FNDC3A: variants seen among roughly 807,000 people sequenced by gnomAD.
FNDC3A encodes fibronectin type-III domain-containing protein 3A.
In FNDC3A, 32 loss-of-function variants were observed where a neutral mutation model predicts 148.9. That is an observed-to-expected ratio of 0.21 (90% CI 0.16 to 0.29). The LOEUF is 0.29. Among genes scored for constraint, FNDC3A ranks in the 10% least tolerant of loss-of-function variants. The probability of loss-of-function intolerance (pLI) is 1.00; values close to 1 mark genes in which losing one functional copy is unlikely to be tolerated. For missense variants in FNDC3A, 1,191 were observed against 1,452.8 expected (o/e 0.82, Z 2.93); for synonymous variants, 472 against 473.6 (o/e 1.00, Z 0.04).
At position 49,187,444 on chromosome 13, in the gene FNDC3A, T is replaced by C. The variant is rs1011591408; in HGVS notation, c.1825+254T>C. Reference sequence around the variant, plus strand: ...CCAGAGGCTGTACCTCTTAAAATGCTCTTCATATCTGTTAATGGATGAACT... The same window carrying C: ...CCAGAGGCTGTACCTCTTAAAATGCCCTTCATATCTGTTAATGGATGAACT... On this transcript the variant is annotated intron_variant, in intron 16 of 25. Transcript: ENST00000492622. The C allele has an allele frequency of 2.4e-6, 3 of 1,259,024 alleles. No individual in the cohort carries two copies. In the African/African-American group the frequency reaches 4.5e-5, roughly 19 times the overall value. 78.0% of individuals were successfully genotyped at this position (1,259,024 alleles called of 1,614,324 possible). A position where few individuals can be genotyped will look rare whatever the true frequency, so the allele number is the denominator to read the frequency against.
At chr13:49,125,207 A>G (rs1052863086) in intron 4 of FNDC3A, among the ~76,000 whole-genome samples, 27 of 152,192 alleles carry the variant, frequency 1.8e-4, no homozygotes, top group African/African-American at 6.0e-4. Context: ...CTGCAAATCA[A>G]TCTGATCTCA....
Position 49,136,338 on chromosome 13 carries a change from A to C in FNDC3A, c.497A>C (p.His166Pro). Residue 166 changes from histidine (H) to proline (P), a missense_variant, in exon 6 of 26, where the codon CAC (histidine) becomes CCC (proline). Coordinates refer to ENST00000492622, the MANE Select transcript of FNDC3A (RefSeq NM_001079673.2). Reference protein sequence around the residue: ...SSQVYGDVDAHSTHGRSNFRD... With the variant: ...SSQVYGDVDAPSTHGRSNFRD... The stretch of plus-strand genomic sequence containing the variant: ...TGTTTTTATTGCCTCCTAGATGCTC[A>C]CTCTACACATGGAAGGTCCAACTTT... 1 of 1,612,584 alleles carries C rather than the reference A, an allele frequency of 6.2e-7. No individual in the cohort carries two copies. The highest frequency in any genetic ancestry group is 8.5e-7 in the Non-Finnish European group (1 of 1,178,996).
At chr13:49,172,855 A>G (rs566777044) in intron 11 of FNDC3A, among the ~76,000 whole-genome samples, 109 of 152,284 alleles carry the variant, frequency 7.2e-4, no homozygotes, top group Admixed American at 4.1e-3. Flanking sequence ...ACTGGACTTC[A>G]TTGTTTAGTA....
chr13:49,008,927 G>A (rs924343710), intron 2 of FNDC3A, among the ~76,000 whole-genome samples: 18 of 91,102 alleles, frequency 2.0e-4, no homozygotes, highest in Non-Finnish European at 2.7e-4. Context: ...CTTCTCCACA[G>A]TTTCTTCATT....
At chr13:49,090,938 G>C (rs1186770823) in intron 3 of FNDC3A, among the ~76,000 whole-genome samples, 3 of 152,254 alleles carry the variant, frequency 2.0e-5, no homozygotes, top group Non-Finnish European at 4.4e-5. Flanking sequence ...AGGTTGCAGT[G>C]AGCTATGCTT....
chr13:49,159,365 T>G (rs1883939336), intron 8 of FNDC3A, among the ~76,000 whole-genome samples: 1 of 152,212 alleles, frequency 6.6e-6, no homozygotes, highest in Non-Finnish European at 1.5e-5. Context: ...CCTAGGTATT[T>G]TATTCTCTTT....
chr13:49,000,475 C>A (rs773324902), intron 1 of FNDC3A, among the ~76,000 whole-genome samples: 6 of 152,110 alleles, frequency 3.9e-5, no homozygotes, highest in Non-Finnish European at 5.9e-5. Context: ...TGTTTTGATT[C>A]CTGTGGCTTT....
At chr13:48,993,756 A>G (rs1391146176) in intron 1 of FNDC3A, among the ~76,000 whole-genome samples, 1 of 152,228 alleles carries the variant, frequency 6.6e-6, no homozygotes, top group Non-Finnish European at 1.5e-5. Flanking sequence ...TGGCAAGTAT[A>G]TGGGTGTTTG....
intron 2 of FNDC3A, among the ~76,000 whole-genome samples, chr13:49,055,017 A>T (rs1876120598): frequency 6.6e-6 from 1 of 151,632 alleles, no homozygotes. Flanking sequence ...AATATGATTA[A>T]TTTCTAGGTT....
chr13:49,030,196 A>C (rs1053927829), intron 2 of FNDC3A, among the ~76,000 whole-genome samples: 1 of 152,234 alleles, frequency 6.6e-6, no homozygotes, highest in Non-Finnish European at 1.5e-5. Flanking sequence ...CATTATGTAC[A>C]TCAACTAAGT....
chr13:48,995,490 A>T (rs1033715345), intron 1 of FNDC3A, among the ~76,000 whole-genome samples: 4 of 152,122 alleles, frequency 2.6e-5, no homozygotes, highest in Non-Finnish European at 4.4e-5. Context: ...GTCTTTTTTT[A>T]AATTTAATAT....
intron 23 of FNDC3A, among the ~76,000 whole-genome samples, chr13:49,200,863 G>A (rs1215212640): frequency 6.6e-6 from 1 of 151,502 alleles, no homozygotes; most frequent in African/African-American, 2.4e-5. Context: ...GCTGTGGGAT[G>A]GTATCATAAT....
intron 2 of FNDC3A, among the ~76,000 whole-genome samples, chr13:49,030,219 A>G (rs1566202069): frequency 6.6e-6 from 1 of 152,230 alleles, no homozygotes; most frequent in African/African-American, 2.4e-5. Context: ...GGTTTGTAGT[A>G]GGAATGTTGA....
intron 2 of FNDC3A, among the ~76,000 whole-genome samples, chr13:49,007,919 G>A (rs1020187460): frequency 2.0e-5 from 3 of 152,014 alleles, no homozygotes; most frequent in African/African-American, 7.2e-5. Flanking sequence ...AGCTAAACAC[G>A]AGTGGAAGAA....
rs532502736 is a variant in FNDC3A, at chr13:49,191,954, G to A, written c.2226+570G>A. Among the ~76,000 whole-genome samples, 10 of 152,180 alleles carry A rather than the reference G, an allele frequency of 6.6e-5. No homozygotes were observed. The South Asian group carries it at 1.0e-3, about 16-fold the overall frequency. ...ATCTCCATTTCACAACTAAGGAAAC[G>A]GGTTCAGGAAAGCTAAATATTTTGC... On this transcript the variant is annotated intron_variant, in intron 19 of 25. Coordinates refer to ENST00000492622, the MANE Select transcript of FNDC3A (RefSeq NM_001079673.2).
In FNDC3A at chr13:49,135,417, A is replaced by G. The variant is rs549384655; in HGVS notation, c.491-915A>G. 5.7e-4 allele frequency among the ~76,000 whole-genome samples: 86 copies of G among 152,180 alleles called. No homozygotes were observed. In the South Asian group the frequency reaches 0.016, roughly 28 times the overall value. On this transcript the variant is annotated intron_variant, in intron 5 of 25. Coordinates refer to ENST00000492622, the MANE Select transcript of FNDC3A (RefSeq NM_001079673.2). ...TTTTTGGTGTCTCGTCTAAGAAACTATTGCCAAATCCAAGGTCATAGAGAC... is the reference window on the plus strand; with the variant it reads ...TTTTTGGTGTCTCGTCTAAGAAACTGTTGCCAAATCCAAGGTCATAGAGAC...
chr13:49,107,810 G>T (rs1880295559), intron 3 of FNDC3A, among the ~76,000 whole-genome samples: 1 of 152,206 alleles, frequency 6.6e-6, no homozygotes, highest in Non-Finnish European at 1.5e-5. Context: ...TTCCTGAGCA[G>T]TGCTGACAGC....
At chr13:49,007,969 T>C (rs553674145) in intron 2 of FNDC3A, among the ~76,000 whole-genome samples, 1 of 152,152 alleles carries the variant, frequency 6.6e-6, no homozygotes, top group African/African-American at 2.4e-5. Context: ...TTGATTTTGG[T>C]TGCCGAAGAC....
At chr13:49,038,021 G>A (rs1337240327) in intron 2 of FNDC3A, among the ~76,000 whole-genome samples, 1 of 152,198 alleles carries the variant, frequency 6.6e-6, no homozygotes, top group East Asian at 1.9e-4. Context: ...CAGCAGGATG[G>A]ATGGGGAGCT....
Sources: allele counts gnomAD v4.1 joint callset (sites outside exome capture counted in the v4.1 genomes callset), GRCh38; gene constraint gnomAD v4.1.1; transcripts MANE v1.5; gene names NCBI Gene and HGNC (gene_info 2026-07-23, HGNC 2026-07-21).